The following CPNE8 variants were observed in gnomAD, a reference collection of about 807,000 sequenced individuals.
CPNE8 encodes copine 8.
A neutral mutation model predicts 81.5 loss-of-function variants in CPNE8; 45 were observed. That is an observed-to-expected ratio of 0.55 (90% CI 0.44 to 0.71). CPNE8 has a LOEUF of 0.71. Among genes scored for constraint, CPNE8 ranks in the 30% least tolerant of loss-of-function variants. CPNE8 has a pLI of 0.00. For missense variants in CPNE8, 594 were observed against 672.1 expected, an observed-to-expected ratio of 0.88 and a Z score of 1.28; for synonymous variants, 252 against 226.3, an observed-to-expected ratio of 1.11 and a Z score of -1.02.
At chr12:38,879,998 A>G (rs562605255) in intron 1 of CPNE8, among the ~76,000 whole-genome samples, 130 of 152,346 alleles carry the variant, frequency 8.5e-4, no homozygotes, top group African/African-American at 2.6e-3. Context: ...TTAATTTTCA[A>G]CAGGAATGGA....
chr12:38,740,309 G>A (rs1004696056), intron 10 of CPNE8, among the ~76,000 whole-genome samples: 1 of 152,188 alleles, frequency 6.6e-6, no homozygotes, highest in Non-Finnish European at 1.5e-5. Context: ...TTAAGACGAT[G>A]AGGTTTTCTA....
At position 38,693,805 on chromosome 12, in the gene CPNE8, A is replaced by T. The variant is rs1159130662; in HGVS notation, c.995T>A (p.Met332Lys). ...ATAGGCATTCAGTTGGTAAGGATTC[A>T]TGTAGTGGAGGGAAGTGGGCTGAGC... ...NPAQPTSLHY[M>K]NPYQLNAYGM... Residue 332 changes from methionine (M) to lysine (K), a missense_variant, in exon 15 of 20, where the codon ATG (methionine) becomes AAG (lysine). Coordinates refer to ENST00000331366, the MANE Select transcript of CPNE8 (RefSeq NM_153634.3). The T allele has an allele frequency of 5.0e-6, 8 of 1,612,196 alleles. No individual in the cohort carries two copies. Among genetic ancestry groups the T allele is most frequent in the Non-Finnish European group, 6.8e-6 (8 of 1,179,222 alleles).
In CPNE8 at chr12:38,796,442, A is replaced by G. The variant is rs565289811; in HGVS notation, c.408-20141T>C. Among the ~76,000 whole-genome samples, 7 of 152,364 alleles carry G rather than the reference A, an allele frequency of 4.6e-5. No individual in the cohort carries two copies. In the South Asian group the frequency reaches 6.2e-4, roughly 14 times the overall value. Reference sequence around the variant, plus strand: ...AGATTGATGATTTCACATTAAAATTAAGAATTCCTATTCATCAAAGCATAG... The same window carrying G: ...AGATTGATGATTTCACATTAAAATTGAGAATTCCTATTCATCAAAGCATAG... On this transcript the variant is annotated intron_variant, in intron 6 of 19. Coordinates refer to ENST00000331366, the MANE Select transcript of CPNE8 (RefSeq NM_153634.3).
At chr12:38,783,469 G>C (rs1053744117) in intron 6 of CPNE8, among the ~76,000 whole-genome samples, 5 of 152,178 alleles carry the variant, frequency 3.3e-5, no homozygotes, top group Non-Finnish European at 1.5e-5. Context: ...GTGCTGGGGA[G>C]AGGGGAGTGC....
intron 1 of CPNE8, among the ~76,000 whole-genome samples, chr12:38,897,854 T>C (rs376525931): frequency 8.9e-4 from 136 of 152,230 alleles, no homozygotes; most frequent in African/African-American, 3.1e-3. Context: ...CACTTACATG[T>C]ATTAACTTAT....
intron 8 of CPNE8, among the ~76,000 whole-genome samples, chr12:38,764,936 C>G (rs1304103562): frequency 1.3e-5 from 2 of 152,070 alleles, no homozygotes; most frequent in Admixed American, 6.6e-5. Flanking sequence ...CATCTTCAGA[C>G]CAACATGTTC....
chr12:38,793,899 C>CT (rs1428915874), intron 6 of CPNE8, among the ~76,000 whole-genome samples: 4 of 151,910 alleles, frequency 2.6e-5, no homozygotes, highest in Non-Finnish European at 5.9e-5. Flanking sequence ...TAATACAGAG[C>CT]TCAGAAATAC....
chr12:38,751,620 C>T (rs544970017), intron 10 of CPNE8, among the ~76,000 whole-genome samples: 2 of 152,218 alleles, frequency 1.3e-5, no homozygotes, highest in African/African-American at 4.8e-5. Context: ...AAATTAAAAA[C>T]TAGTACTTTC....
At chr12:38,830,405 C>G (rs1388227263) in intron 5 of CPNE8, among the ~76,000 whole-genome samples, 1 of 152,092 alleles carries the variant, frequency 6.6e-6, no homozygotes, top group Non-Finnish European at 1.5e-5. Context: ...GACTGATATG[C>G]CACATAAGAA....
At chr12:38,840,050 G>T (rs942534344) in intron 4 of CPNE8, 95 bp from the exon 5 acceptor site, 1 of 1,228,814 alleles carries the variant, frequency 8.1e-7, no homozygotes, top group African/African-American at 1.5e-5. Context: ...ATATAAAAAT[G>T]AATCCAAAAT....
rs551345061 is a variant in CPNE8 at position 38,717,414 on chromosome 12, C to G, written c.914+6358G>C. Reference sequence around the variant, plus strand: ...ATGTGCCCATCGACCAACAAGTAAACAAAGAAAGTGTGGTGTATATATATA... The same window carrying G: ...ATGTGCCCATCGACCAACAAGTAAAGAAAGAAAGTGTGGTGTATATATATA... On this transcript the variant is annotated intron_variant, in intron 13 of 19. Coordinates refer to ENST00000331366, the MANE Select transcript of CPNE8 (RefSeq NM_153634.3). Among the ~76,000 whole-genome samples, 5 of 65,488 alleles carry G rather than the reference C, an allele frequency of 7.6e-5. No homozygotes were observed. In the East Asian group the frequency reaches 2.5e-3, roughly 33 times the overall value. 43.0% of individuals were successfully genotyped at this position (65,488 alleles called of 152,430 possible). A position where few individuals can be genotyped will look rare whatever the true frequency, so the allele number is the denominator to read the frequency against.
At chr12:38,752,035 T>C (rs1486194804) in intron 10 of CPNE8, among the ~76,000 whole-genome samples, 3 of 152,208 alleles carry the variant, frequency 2.0e-5, no homozygotes, top group African/African-American at 7.2e-5. Context: ...GCAAAATAAG[T>C]TTAGCCTGGT....
intron 6 of CPNE8, among the ~76,000 whole-genome samples, chr12:38,795,867 G>GGATAGATAGATAGATAGATAGATAGATA (rs11377515): frequency 5.9e-4 from 87 of 148,256 alleles, no homozygotes; most frequent in East Asian, 1.2e-3. Context: ...ATGGATGGAT[G>GGATAGATAGATAGATAGATAGATAGATA]GATAGATAGA....
intron 11 of CPNE8, 48 bp downstream of exon 11, chr12:38,730,235 A>C (rs759860511): frequency 1.8e-6 from 2 of 1,130,582 alleles, no homozygotes; most frequent in South Asian, 2.5e-5. Flanking sequence ...TAAAGCACAG[A>C]TTTATTTATT....
intron 3 of CPNE8, among the ~76,000 whole-genome samples, chr12:38,859,603 A>T (rs1943799522): frequency 6.6e-6 from 1 of 152,146 alleles, no homozygotes; most frequent in Non-Finnish European, 1.5e-5. Context: ...ACCACAAAAG[A>T]TCCTGAATAG....
chr12:38,761,902 G>T (rs1056048215), intron 9 of CPNE8, among the ~76,000 whole-genome samples: 4 of 152,132 alleles, frequency 2.6e-5, no homozygotes, highest in Non-Finnish European at 5.9e-5. Context: ...CCATAGAAAA[G>T]GCTTAGGGCA....
intron 6 of CPNE8, among the ~76,000 whole-genome samples, chr12:38,808,540 G>T (rs1942869109): frequency 6.9e-6 from 1 of 145,694 alleles, no homozygotes; most frequent in African/African-American, 2.5e-5. Flanking sequence ...ACTCATAGTT[G>T]GGAATTGAAC....
intron 19 of CPNE8, among the ~76,000 whole-genome samples, chr12:38,662,715 T>C (rs573107998): frequency 6.6e-6 from 1 of 152,056 alleles, no homozygotes; most frequent in African/African-American, 2.4e-5. Context: ...AAGCTGAAGG[T>C]ATCACATTAC....
At chr12:38,893,074 T>G (rs1944337311) in intron 1 of CPNE8, among the ~76,000 whole-genome samples, 2 of 152,100 alleles carry the variant, frequency 1.3e-5, no homozygotes, top group Non-Finnish European at 2.9e-5. Context: ...ACACAAAGGT[T>G]TAAGAGCCTA....
Sources: allele counts gnomAD v4.1 joint callset (sites outside exome capture counted in the v4.1 genomes callset), GRCh38; gene constraint gnomAD v4.1.1; transcripts MANE v1.5; gene names NCBI Gene and HGNC (gene_info 2026-07-23, HGNC 2026-07-21).